Variants in SYT16 observed in about 807,000 individuals in gnomAD.
The protein encoded by SYT16 is synaptotagmin-16.
A neutral mutation model predicts 61.4 loss-of-function variants in SYT16; 42 were observed. The ratio of observed to expected loss-of-function variants is 0.68; its 90% CI spans 0.53 to 0.89. The LOEUF (loss-of-function observed/expected upper bound fraction) is 0.89, where lower values mean the gene tolerates loss of function less well. SYT16 is among the 40% of genes least tolerant of loss of function. SYT16 has a pLI of 0.00. For synonymous variants in SYT16, 314 were observed against 302.3 expected (o/e 1.04, Z -0.40); for missense variants, 804 against 807.3 (o/e 1.00, Z 0.05).
At chr14:61,816,241 C>T (rs1833989998) in intron 1 of SYT16, among the ~76,000 whole-genome samples, 1 of 152,156 alleles carries the variant, frequency 6.6e-6, no homozygotes, top group South Asian at 2.1e-4. Flanking sequence ...TTTCCTTTCT[C>T]CCCATCCTGT....
chr14:62,035,686 G>C (rs921969115), intron 3 of SYT16, among the ~76,000 whole-genome samples: 1 of 152,172 alleles, frequency 6.6e-6, no homozygotes, highest in African/African-American at 2.4e-5. Flanking sequence ...TCCTATAAAA[G>C]TTGGGGCTAA....
In SYT16 at chr14:61,996,541, A is replaced by C. The variant is rs1023868943; in HGVS notation, c.522A>C (p.Gln174His). 3 of 1,588,934 alleles carry C rather than the reference A, an allele frequency of 1.9e-6. No homozygotes were observed. Among genetic ancestry groups the C allele is most frequent in the East Asian group, 2.2e-5 (1 of 44,496 alleles). Residue 174 changes from glutamine to histidine, a missense_variant and splice_region_variant, in exon 3 of 8, where the codon CAA becomes CAC. Transcript: ENST00000683842. ...GTLETVNGKK[Q>H]VNSFGDDEEL... ...TAGAAACTGTTAATGGAAAAAAGCAAGGTAAGCTAGCCAGTCATCATTTTC... is the reference window on the plus strand; with the variant it reads ...TAGAAACTGTTAATGGAAAAAAGCACGGTAAGCTAGCCAGTCATCATTTTC...
intron 1 of SYT16, among the ~76,000 whole-genome samples, chr14:61,933,423 C>G (rs2049854232): frequency 6.6e-6 from 1 of 152,182 alleles, no homozygotes; most frequent in Non-Finnish European, 1.5e-5. Flanking sequence ...CAGCCTCTAC[C>G]CTATACTCAT....
rs937762633 is a variant in SYT16 at position 62,111,608 on chromosome 14, T to A, written c.*10901T>A. On this transcript the variant is annotated 3_prime_UTR_variant, in exon 8 of 8. Coordinates refer to ENST00000683842, the MANE Select transcript of SYT16 (RefSeq NM_001367656.1). ...AGATTTCTAAGTCACTAGAAGAATT[T>A]CTTGGCAAATTGATTGTTCAAGGCC... is the stretch of plus-strand genomic sequence containing the variant. The A allele has an allele frequency of 6.6e-6, 1 of 152,112 alleles. No homozygotes were observed. Among genetic ancestry groups the A allele is most frequent in the African/African-American group, 2.4e-5 (1 of 41,464 alleles). The allele number at this position is 152,112 out of a possible 1,614,324, so 9.4% of individuals were successfully genotyped here. A position where few individuals can be genotyped will look rare whatever the true frequency, so the allele number is the denominator to read the frequency against.
rs898860896 is a variant in SYT16, at chr14:62,111,615, A to G, written c.*10908A>G. Reference sequence around the variant, plus strand: ...TAAGTCACTAGAAGAATTTCTTGGCAAATTGATTGTTCAAGGCCAGTTTTG... The same window carrying G: ...TAAGTCACTAGAAGAATTTCTTGGCGAATTGATTGTTCAAGGCCAGTTTTG... On this transcript the variant is annotated 3_prime_UTR_variant, in exon 8 of 8. Transcript: ENST00000683842. 6 of 152,190 alleles carry G rather than the reference A, an allele frequency of 3.9e-5. No individual in the cohort carries two copies. Among genetic ancestry groups the G allele is most frequent in the South Asian group, 2.1e-4 (1 of 4,822 alleles). The allele number at this position is 152,190 out of a possible 1,614,324, so 9.4% of individuals were successfully genotyped here.
intron 3 of SYT16, among the ~76,000 whole-genome samples, chr14:62,024,115 G>A (rs2054011861): frequency 6.6e-6 from 1 of 151,894 alleles, no homozygotes; most frequent in Admixed American, 6.6e-5. Context: ...ATATCTTTAT[G>A]GTCATAATAA....
At chr14:62,095,610 AACAC>A (rs1318224434) in intron 7 of SYT16, among the ~76,000 whole-genome samples, 1 of 151,642 alleles carries the variant, frequency 6.6e-6, no homozygotes, top group East Asian at 1.9e-4. Flanking sequence ...CACACACACA[AACAC>A]ACACATATCT....
In SYT16 at chr14:61,955,560, GTC is replaced by G. The variant is rs559633416; in HGVS notation, c.-324-14570_-324-14569del. ...GTACCGTATTTATCTTTCTCTGTGT[GTC>G]TTATTTTACTTAGCATAATGTTCTT... On this transcript the variant is annotated intron_variant, in intron 1 of 7. Coordinates refer to ENST00000683842, the MANE Select transcript of SYT16 (RefSeq NM_001367656.1). Among the ~76,000 whole-genome samples, 1,173 of 152,016 alleles carry G rather than the reference GTC, an allele frequency of 7.7e-3. 15 individuals are homozygous for G. The highest frequency in any genetic ancestry group is 0.027 in the African/African-American group (1,140 of 41,520).
At chr14:61,884,364 T>C (rs1420623603) in intron 1 of SYT16, among the ~76,000 whole-genome samples, 1 of 152,198 alleles carries the variant, frequency 6.6e-6, no homozygotes, top group Non-Finnish European at 1.5e-5. Context: ...TTAGAAGTGA[T>C]CAAAAGTAAG....
chr14:61,987,891 T>C (rs938127312), intron 2 of SYT16, among the ~76,000 whole-genome samples: 1 of 152,140 alleles, frequency 6.6e-6, no homozygotes, highest in African/African-American at 2.4e-5. Flanking sequence ...AGTTCCATCA[T>C]TTTTGGCCTA....
At chr14:61,863,858 G>A (rs551494956) in intron 1 of SYT16, among the ~76,000 whole-genome samples, 40 of 152,164 alleles carry the variant, frequency 2.6e-4, no homozygotes, top group African/African-American at 9.6e-4. Context: ...AGCACCAGTC[G>A]TGGAAAAGAT....
chr14:62,063,458 G>C (rs1190184442), intron 3 of SYT16, among the ~76,000 whole-genome samples: 1 of 152,140 alleles, frequency 6.6e-6, no homozygotes, highest in African/African-American at 2.4e-5. Flanking sequence ...AATTTTAAGA[G>C]GTAAGGGATA....
chr14:61,915,579 CAT>C (rs1219470952), intron 1 of SYT16, among the ~76,000 whole-genome samples: 1 of 151,986 alleles, frequency 6.6e-6, no homozygotes, highest in Non-Finnish European at 1.5e-5. Flanking sequence ...CTTTTTTGAA[CAT>C]GTGTGTGTAT....
At chr14:62,008,664 A>T in intron 3 of SYT16, among the ~76,000 whole-genome samples, 2 of 149,618 alleles carry the variant, frequency 1.3e-5, no homozygotes, top group South Asian at 2.1e-4. Context: ...AGCATATGTA[A>T]CTGTAAACTA....
rs1471466528 is a variant in SYT16 at position 62,102,328 on chromosome 14, G to A, written c.*1621G>A. 9 of 152,222 alleles carry A rather than the reference G, an allele frequency of 5.9e-5. No homozygotes were observed. The highest frequency in any genetic ancestry group is 5.2e-4 in the Admixed American group (8 of 15,272). 9.4% of individuals were successfully genotyped at this position (152,222 alleles called of 1,614,324 possible). On this transcript the variant is annotated 3_prime_UTR_variant, in exon 8 of 8. Transcript: ENST00000683842. ...AACTCTACTATGCTTTCAGGGTTCA[G>A]TCTTTGAATGAAATGATTTCATATG...
intron 1 of SYT16, among the ~76,000 whole-genome samples, chr14:61,918,400 G>A (rs1048537898): frequency 6.6e-6 from 1 of 152,122 alleles, no homozygotes; most frequent in Non-Finnish European, 1.5e-5. Context: ...AACAGGTGGT[G>A]ATGGCTGCAA....
intron 1 of SYT16, among the ~76,000 whole-genome samples, chr14:61,909,290 G>A (rs2048838202): frequency 6.6e-6 from 1 of 152,108 alleles, no homozygotes; most frequent in Non-Finnish European, 1.5e-5. Context: ...TATTTTCTGT[G>A]GCCATCATAA....
At chr14:62,090,281 C>T (rs1027742492) in intron 7 of SYT16, among the ~76,000 whole-genome samples, 5 of 152,186 alleles carry the variant, frequency 3.3e-5, no homozygotes, top group African/African-American at 1.2e-4. Context: ...AGCTTCTCAG[C>T]ATGTGCATGA....
intron 1 of SYT16, among the ~76,000 whole-genome samples, chr14:61,938,833 T>C (rs2050092856): frequency 6.6e-6 from 1 of 151,992 alleles, no homozygotes; most frequent in South Asian, 2.1e-4. Flanking sequence ...TCCTAAAGGA[T>C]ATAAAAAGGA....
Sources: allele counts gnomAD v4.1 joint callset (sites outside exome capture counted in the v4.1 genomes callset), GRCh38; gene constraint gnomAD v4.1.1; transcripts MANE v1.5; gene names NCBI Gene and HGNC (gene_info 2026-07-23, HGNC 2026-07-21).